KIF2A: variants seen among roughly 807,000 people sequenced by gnomAD.
KIF2A encodes kinesin-like protein KIF2A.
In KIF2A, 22 loss-of-function variants were observed where a neutral mutation model predicts 100.2. The ratio of observed to expected loss-of-function variants is 0.22; its 90% CI spans 0.16 to 0.31. The LOEUF (loss-of-function observed/expected upper bound fraction) is 0.31. Among genes scored for constraint, KIF2A ranks in the 10% least tolerant of loss-of-function variants. KIF2A has a pLI of 1.00. For missense variants in KIF2A, 495 were observed against 898.7 expected (o/e 0.55, Z 5.74); for synonymous variants, 268 against 285.9 (o/e 0.94, Z 0.63).
intron 1 of KIF2A, among the ~76,000 whole-genome samples, chr5:62,307,968 C>T (rs1745395316): frequency 2.0e-5 from 3 of 152,166 alleles, no homozygotes; most frequent in Admixed American, 6.5e-5. Context: ...CTAGCCTAGT[C>T]AGTAGTAACT....
intron 18 of KIF2A, among the ~76,000 whole-genome samples, chr5:62,375,485 G>C (rs1378114388): frequency 2.0e-5 from 3 of 152,200 alleles, no homozygotes; most frequent in Admixed American, 2.0e-4. Context: ...GATTTTACAA[G>C]TAGTAAGTAC....
chr5:62,362,160 C>G (rs2111956473), intron 11 of KIF2A, among the ~76,000 whole-genome samples: 1 of 151,482 alleles, frequency 6.6e-6, no homozygotes, highest in South Asian at 2.1e-4. Context: ...TAAAAAGCTA[C>G]TAGCTATGGT....
intron 20 of KIF2A, among the ~76,000 whole-genome samples, chr5:62,383,442 A>G (rs1210887445): frequency 6.7e-6 from 1 of 150,136 alleles, no homozygotes; most frequent in African/African-American, 2.5e-5. Flanking sequence ...ACGGGGTTTC[A>G]TTGTGTTAGT....
chr5:62,365,130 T>G, intron 14 of KIF2A, 113 bp from the exon 15 acceptor site: 1 of 499,830 alleles, frequency 2.0e-6, no homozygotes, highest in East Asian at 3.4e-5. Context: ...TTTTCAAAAC[T>G]GATCAGACCC....
intron 1 of KIF2A, 33 bp downstream of exon 1, chr5:62,306,569 C>G (rs747181807): frequency 2.0e-6 from 3 of 1,530,028 alleles, no homozygotes; most frequent in African/African-American, 1.4e-5. Flanking sequence ...CTGGCCCGCT[C>G]GGCCCCGTGT....
intron 7 of KIF2A, 43 bp downstream of exon 7, chr5:62,355,297 T>G (rs1748044181): frequency 1.0e-6 from 1 of 1,002,970 alleles, no homozygotes; most frequent in African/African-American, 1.6e-5. Context: ...TTTTTATGCT[T>G]CAAATAAAAA....
At chr5:62,366,539 A>C (rs1414905645) in intron 16 of KIF2A, 58 bp downstream of exon 16, 2 of 1,046,134 alleles carry the variant, frequency 1.9e-6, no homozygotes, top group Non-Finnish European at 2.9e-6. Context: ...TACATAGTAT[A>C]ATTTAATATC....
chr5:62,380,143 C>T (rs2112004395), intron 19 of KIF2A, among the ~76,000 whole-genome samples: 1 of 152,332 alleles, frequency 6.6e-6, no homozygotes, highest in East Asian at 1.9e-4. Flanking sequence ...ATCCACTTGC[C>T]TCAGCCTTCT....
chr5:62,340,599 G>A (rs2111884520), intron 1 of KIF2A, among the ~76,000 whole-genome samples: 1 of 152,170 alleles, frequency 6.6e-6, no homozygotes, highest in East Asian at 1.9e-4. Flanking sequence ...CCCCCTAGTG[G>A]CATCATTCTC....
intron 16 of KIF2A, among the ~76,000 whole-genome samples, chr5:62,369,360 A>G (rs1741217568): frequency 6.6e-6 from 1 of 152,218 alleles, no homozygotes; most frequent in African/African-American, 2.4e-5. Flanking sequence ...CACCTTCACC[A>G]GGCAGCAGGA....
chr5:62,360,065 C>T (rs1233235833), intron 9 of KIF2A, among the ~76,000 whole-genome samples: 1 of 151,706 alleles, frequency 6.6e-6, no homozygotes, highest in Non-Finnish European at 1.5e-5. Context: ...GATCTCGGCT[C>T]ACTGCAACCT....
Position 62,390,146 on chromosome 5 carries a change from A to C in KIF2A, c.*4577A>C, listed in dbSNP as rs865975520. 6.6e-6 allele frequency among the ~76,000 whole-genome samples: 1 copy of C among 152,218 alleles called. No individual in the cohort carries two copies. Among genetic ancestry groups the C allele is most frequent in the East Asian group, 1.9e-4 (1 of 5,206 alleles). On this transcript the variant is annotated 3_prime_UTR_variant, in exon 21 of 21. Transcript: ENST00000407818. The stretch of plus-strand genomic sequence containing the variant: ...TCATTTTTTATTCAGCCTCTAGAAC[A>C]TGGAAGCTTTAAAAGTGAATTGGCT...
chr5:62,323,062 G>C (rs1485781159), intron 1 of KIF2A, among the ~76,000 whole-genome samples: 1 of 151,582 alleles, frequency 6.6e-6, no homozygotes, highest in Non-Finnish European at 1.5e-5. Context: ...TTCAAGACCA[G>C]CCTGACCAAC....
At chr5:62,325,571 G>T (rs1022487849) in intron 1 of KIF2A, among the ~76,000 whole-genome samples, 2 of 152,180 alleles carry the variant, frequency 1.3e-5, no homozygotes, top group African/African-American at 4.8e-5. Context: ...TTTGAGAAAT[G>T]TAAGTCAAAA....
In KIF2A at chr5:62,306,377, A is replaced by G. The variant is rs1745267488; in HGVS notation, c.-96A>G. ...GCCCGGGCCGGCGCGGCCGCGGGCA[A>G]CCGCTCCCCCTCCCACACCTACCCC... On this transcript the variant is annotated 5_prime_UTR_variant, in exon 1 of 21. Transcript: ENST00000407818. The G allele has an allele frequency of 2.0e-6, 2 of 978,146 alleles. No individual in the cohort carries two copies. Among genetic ancestry groups the G allele is most frequent in the Non-Finnish European group, 3.1e-6 (2 of 649,014 alleles). 60.6% of individuals were successfully genotyped at this position (978,146 alleles called of 1,614,324 possible). A position where few individuals can be genotyped will look rare whatever the true frequency, so the allele number is the denominator to read the frequency against.
chr5:62,314,314 A>T (rs1233944016), intron 1 of KIF2A, among the ~76,000 whole-genome samples: 1 of 152,100 alleles, frequency 6.6e-6, no homozygotes, highest in Non-Finnish European at 1.5e-5. Flanking sequence ...AAAAAATAAA[A>T]TTAGCCAGGC....
intron 1 of KIF2A, among the ~76,000 whole-genome samples, chr5:62,323,127 A>G (rs1414359433): frequency 6.6e-6 from 1 of 151,598 alleles, no homozygotes; most frequent in Non-Finnish European, 1.5e-5. Flanking sequence ...ATGGTGGCGC[A>G]TGCCTGTAAT....
chr5:62,353,424 A>G (rs1747951520), intron 6 of KIF2A, 49 bp downstream of exon 6: 2 of 910,464 alleles, frequency 2.2e-6, no homozygotes, highest in Non-Finnish European at 3.2e-6. Flanking sequence ...CAGAGATTAG[A>G]TTATATCAGT....
rs1186584846 is a variant in KIF2A at position 62,390,243 on chromosome 5, G to T, written c.*4674G>T. Among the ~76,000 whole-genome samples, 1 of 152,140 alleles carries T rather than the reference G, an allele frequency of 6.6e-6. No homozygotes were observed. Among genetic ancestry groups the T allele is most frequent in the African/African-American group, 2.4e-5 (1 of 41,418 alleles). On this transcript the variant is annotated 3_prime_UTR_variant, in exon 21 of 21. Transcript: ENST00000407818. Reference sequence around the variant, plus strand: ...AGTAAGTACAGGTTAGTAATTACCTGGGTAATTAATTGAAGCCTTATTCTG... The same window carrying T: ...AGTAAGTACAGGTTAGTAATTACCTTGGTAATTAATTGAAGCCTTATTCTG...
Sources: gnomAD v4.1 joint callset for allele counts (sites outside exome capture counted in the v4.1 genomes callset) on GRCh38, gnomAD v4.1.1 for gene constraint, MANE v1.5 for transcripts, NCBI Gene and HGNC (gene_info 2026-07-23, HGNC 2026-07-21) for gene names.